The following XKR6 variants were observed in gnomAD, a reference collection of about 807,000 sequenced individuals.
The protein encoded by XKR6 is XK related 6, also known as XK-related protein 6.
XKR6 carries 22 observed loss-of-function variants against 56.7 expected under a neutral mutation model. The observed-to-expected ratio is 0.39, with a 90% CI of 0.28 to 0.55. The LOEUF (loss-of-function observed/expected upper bound fraction) is 0.55, where lower values mean the gene tolerates loss of function less well. Among genes scored for constraint, XKR6 ranks in the 20% least tolerant of loss-of-function variants. The pLI, the probability that XKR6 is intolerant of heterozygous loss-of-function variation, is 0.66. For synonymous variants in XKR6, 524 were observed against 387.8 expected (o/e 1.35, Z -4.13); for missense variants, 852 against 889.0 (o/e 0.96, Z 0.53).
intron 1 of XKR6, among the ~76,000 whole-genome samples, chr8:10,991,829 T>C (rs1313724585): frequency 6.6e-6 from 1 of 152,244 alleles, no homozygotes; most frequent in Non-Finnish European, 1.5e-5. Context: ...TGACCATGTA[T>C]CTAAATTGGA....
At chr8:11,086,216 C>T (rs1402506760) in intron 1 of XKR6, among the ~76,000 whole-genome samples, 2 of 151,650 alleles carry the variant, frequency 1.3e-5, no homozygotes, top group Non-Finnish European at 2.9e-5. Context: ...CATCAACTCA[C>T]TGGCTTAGGA....
rs1380997950 is a variant in XKR6, at chr8:10,911,332, T to C, written c.962-12416A>G. Among the ~76,000 whole-genome samples the C allele has an allele frequency of 2.4e-5, 3 of 126,896 alleles. No homozygotes were observed. In the East Asian group the frequency reaches 6.1e-4, roughly 26 times the overall value. 83.2% of individuals were successfully genotyped at this position (126,896 alleles called of 152,430 possible). ...GAGAGAGAGGGTGAGTATATATATATATATATATGTGTGTGTGTGTGTGTA... is the reference window on the plus strand; with the variant it reads ...GAGAGAGAGGGTGAGTATATATATACATATATATGTGTGTGTGTGTGTGTA... On this transcript the variant is annotated intron_variant, in intron 2 of 2. Transcript: ENST00000416569.
Position 11,196,418 on chromosome 8 carries a change from CA to C in XKR6, c.764+4157del, listed in dbSNP as rs565335796. On this transcript the variant is annotated intron_variant, in intron 1 of 2. Coordinates refer to ENST00000416569, the MANE Select transcript of XKR6 (RefSeq NM_173683.4). ...TTAATACTTGAGCTCAAAAAGCAAA[CA>C]AAACAAAACAAAACAAAAAAAACAA... Among the ~76,000 whole-genome samples, 1,230 of 150,988 alleles carry C rather than the reference CA, an allele frequency of 8.1e-3. 15 individuals carry two copies. Among genetic ancestry groups the C allele is most frequent in the African/African-American group, 0.029 (1,162 of 40,600 alleles).
intron 1 of XKR6, among the ~76,000 whole-genome samples, chr8:11,143,039 A>G (rs897059344): frequency 1.3e-5 from 2 of 152,254 alleles, no homozygotes; most frequent in African/African-American, 4.8e-5. Context: ...TAAACTCAAC[A>G]ACCAAATAGA....
chr8:11,069,866 A>G (rs1185494692), intron 1 of XKR6, among the ~76,000 whole-genome samples: 2 of 152,204 alleles, frequency 1.3e-5, no homozygotes, highest in African/African-American at 4.8e-5. Context: ...CTTCTAGGAA[A>G]ACATCAGAGA....
chr8:10,951,425 G>A (rs1320081140), intron 1 of XKR6, among the ~76,000 whole-genome samples: 5 of 152,166 alleles, frequency 3.3e-5, no homozygotes, highest in Admixed American at 1.3e-4. Flanking sequence ...GTGGAACAGC[G>A]AGAAGGCTGG....
intron 1 of XKR6, among the ~76,000 whole-genome samples, chr8:11,004,572 A>G (rs952106088): frequency 1.3e-5 from 2 of 152,234 alleles, no homozygotes; most frequent in Non-Finnish European, 2.9e-5. Context: ...AAAAGTAGCA[A>G]CTGCCTACCA....
chr8:10,989,495 T>C (rs1446931291), intron 1 of XKR6, among the ~76,000 whole-genome samples: 2 of 152,084 alleles, frequency 1.3e-5, no homozygotes, highest in Non-Finnish European at 2.9e-5. Context: ...TTGAAAGAAG[T>C]CCCAGGGAAG....
At chr8:11,008,013 G>A (rs757963559) in intron 1 of XKR6, among the ~76,000 whole-genome samples, 9 of 152,160 alleles carry the variant, frequency 5.9e-5, no homozygotes, top group Non-Finnish European at 1.2e-4. Context: ...GAGAAGACAG[G>A]GAAGCAGGCG....
chr8:10,922,077 C>T (rs1473346366), intron 2 of XKR6, among the ~76,000 whole-genome samples: 2 of 152,208 alleles, frequency 1.3e-5, no homozygotes, highest in Non-Finnish European at 2.9e-5. Flanking sequence ...ATGCAGCCCT[C>T]ATTAGGCAGC....
At chr8:10,952,755 C>T (rs1317172268) in intron 1 of XKR6, among the ~76,000 whole-genome samples, 2 of 152,180 alleles carry the variant, frequency 1.3e-5, no homozygotes, top group Non-Finnish European at 2.9e-5. Flanking sequence ...GCGGATCCTT[C>T]ATGAATGAAC....
In XKR6 at chr8:11,067,599, G is replaced by A. The variant is rs948210211; in HGVS notation, c.764+132977C>T. Among the ~76,000 whole-genome samples, 29 of 152,360 alleles carry A rather than the reference G, an allele frequency of 1.9e-4. 1 individual carries two copies. The South Asian group carries it at 2.7e-3, about 14-fold the overall frequency. ...TTCTTGAAAGGTAAAGATTCTCCAG[G>A]AGAAAAATCCACCCACAGTGCTGAT... On this transcript the variant is annotated intron_variant, in intron 1 of 2. Coordinates refer to ENST00000416569, the MANE Select transcript of XKR6 (RefSeq NM_173683.4).
intron 1 of XKR6, among the ~76,000 whole-genome samples, chr8:11,028,542 C>G: frequency 6.6e-6 from 1 of 152,154 alleles, no homozygotes; most frequent in East Asian, 1.9e-4. Flanking sequence ...ATTTTGAGTT[C>G]CCACCAGCAA....
chr8:10,997,099 T>C (rs888168148), intron 1 of XKR6, among the ~76,000 whole-genome samples: 1 of 152,234 alleles, frequency 6.6e-6, no homozygotes, highest in African/African-American at 2.4e-5. Context: ...AACAAGGTCA[T>C]TCAGTGTCCT....
At chr8:11,027,165 T>C (rs981297402) in intron 1 of XKR6, among the ~76,000 whole-genome samples, 1 of 152,234 alleles carries the variant, frequency 6.6e-6, no homozygotes, top group Admixed American at 6.5e-5. Context: ...CAGTAGGCAG[T>C]TGTAACACAG....
At chr8:10,990,209 G>A (rs1797957290) in intron 1 of XKR6, among the ~76,000 whole-genome samples, 1 of 152,224 alleles carries the variant, frequency 6.6e-6, no homozygotes, top group African/African-American at 2.4e-5. Context: ...TGCAGTGGCA[G>A]CAAAGACGTG....
chr8:11,082,731 A>G (rs17779791), intron 1 of XKR6, among the ~76,000 whole-genome samples: 37,443 of 152,076 alleles, frequency 0.25, 5,262 homozygotes, highest in Non-Finnish European at 0.32. Flanking sequence ...ACTGGGACAC[A>G]GCTCAGGTTT....
intron 1 of XKR6, among the ~76,000 whole-genome samples, chr8:11,113,026 T>C (rs1270709877): frequency 6.6e-6 from 1 of 152,180 alleles, no homozygotes; most frequent in African/African-American, 2.4e-5. Flanking sequence ...AAAATGATGA[T>C]GTTTTCAGTT....
chr8:11,001,642 A>G (rs1369528657), intron 1 of XKR6, among the ~76,000 whole-genome samples: 1 of 152,126 alleles, frequency 6.6e-6, no homozygotes, highest in Non-Finnish European at 1.5e-5. Context: ...ATTCCTGGAG[A>G]TGAGGGTTGT....
Sources: allele counts gnomAD v4.1 joint callset (sites outside exome capture counted in the v4.1 genomes callset), GRCh38; gene constraint gnomAD v4.1.1; transcripts MANE v1.5; gene names NCBI Gene and HGNC (gene_info 2026-07-23, HGNC 2026-07-21).